The following FBXL4 variants were observed in gnomAD, a reference collection of about 807,000 sequenced individuals.
FBXL4 encodes F-box and leucine rich repeat protein 4.
In FBXL4, 40 loss-of-function variants were observed where a neutral mutation model predicts 58.9. The ratio of observed to expected loss-of-function variants is 0.68; its 90% CI spans 0.53 to 0.88. The LOEUF is 0.88. Among genes scored for constraint, FBXL4 ranks in the 40% least tolerant of loss-of-function variants. FBXL4 has a pLI of 0.00. For synonymous variants in FBXL4, 263 were observed against 265.5 expected (o/e 0.99, Z 0.09); for missense variants, 676 against 734.4 (o/e 0.92, Z 0.92).
rs10484610 is a variant in FBXL4, at chr6:98,896,696, G to A, written c.1317+2572C>T. The A allele has an allele frequency of 1.1e-3, 829 of 772,444 alleles. 7 individuals are homozygous for A. In the African/African-American group the frequency reaches 0.015, roughly 14 times the overall value. 47.8% of individuals were successfully genotyped at this position (772,444 alleles called of 1,614,324 possible). A position where few individuals can be genotyped will look rare whatever the true frequency, so the allele number is the denominator to read the frequency against. On this transcript the variant is annotated intron_variant, in intron 7 of 9. Transcript: ENST00000369244. ...ACGTAGTGTTTATGATATTTTACCA[G>A]ATGAGCCAATAAAAAAAATTTAATA...
At chr6:98,934,233 T>C (rs1490000238) in intron 2 of FBXL4, among the ~76,000 whole-genome samples, 1 of 152,246 alleles carries the variant, frequency 6.6e-6, no homozygotes, top group East Asian at 1.9e-4. Context: ...ACGTTGATTA[T>C]GGAGAACTGG....
Position 98,930,095 on chromosome 6 carries a change from T to A in FBXL4, c.-190-2273A>T, listed in dbSNP as rs1267630429. ...CAAAACATACAACAGACTAAACCTT[T>A]ACTAATGATGCATCACAGTAAAAAG... On this transcript the variant is annotated intron_variant, in intron 2 of 9. Transcript: ENST00000369244. Among the ~76,000 whole-genome samples the A allele has an allele frequency of 2.0e-5, 3 of 152,204 alleles. No homozygotes were observed. The East Asian group carries it at 5.8e-4, about 29-fold the overall frequency.
At chr6:98,887,661 A>ATTT in intron 7 of FBXL4, among the ~76,000 whole-genome samples, 1 of 150,102 alleles carries the variant, frequency 6.7e-6, no homozygotes, top group African/African-American at 2.5e-5. Flanking sequence ...AGAATAAAAG[A>ATTT]GATTTATGTT....
intron 1 of FBXL4, among the ~76,000 whole-genome samples, chr6:98,942,313 A>C (rs1773462523): frequency 6.6e-6 from 1 of 152,014 alleles, no homozygotes; most frequent in African/African-American, 2.4e-5. Flanking sequence ...AATTTTAAAA[A>C]ATGGTTAGAA....
At chr6:98,875,054 T>TA (rs1055296720) in intron 9 of FBXL4, among the ~76,000 whole-genome samples, 9 of 152,010 alleles carry the variant, frequency 5.9e-5, no homozygotes, top group African/African-American at 9.7e-5. Flanking sequence ...TTAAGAAACT[T>TA]AAAAAAAACT....
intron 1 of FBXL4, among the ~76,000 whole-genome samples, 191 bp downstream of exon 1, chr6:98,947,615 C>T (rs1013890054): frequency 2.6e-5 from 4 of 152,200 alleles, no homozygotes; most frequent in African/African-American, 9.6e-5. Flanking sequence ...CCCAGCAAGC[C>T]CCGCAAGCGT....
At chr6:98,920,145 T>A (rs998840557) in intron 4 of FBXL4, among the ~76,000 whole-genome samples, 2 of 152,144 alleles carry the variant, frequency 1.3e-5, no homozygotes, top group African/African-American at 4.8e-5. Context: ...TTAAAAATTA[T>A]AAATATAAAC....
intron 4 of FBXL4, among the ~76,000 whole-genome samples, chr6:98,925,349 T>C (rs1469709142): frequency 1.3e-5 from 2 of 152,104 alleles, no homozygotes; most frequent in Non-Finnish European, 2.9e-5. Context: ...GCATTACATA[T>C]GAAAATTACA....
chr6:98,912,611 C>T (rs577273774), intron 5 of FBXL4, among the ~76,000 whole-genome samples: 47 of 152,120 alleles, frequency 3.1e-4, no homozygotes, highest in African/African-American at 8.7e-4. Context: ...AAATACTTCA[C>T]GGACAAGCAA....
Position 98,869,394 on chromosome 6 carries a change from A to G in FBXL4, c.*4884T>C, listed in dbSNP as rs1469764546. The G allele has an allele frequency of 6.6e-6, 1 of 152,258 alleles. No homozygotes were observed. The highest frequency in any genetic ancestry group is 6.5e-5 in the Admixed American group (1 of 15,278). 9.4% of individuals were successfully genotyped at this position (152,258 alleles called of 1,614,324 possible). ...ATGCCCGTAATCCCAGCACTACAGG[A>G]GGCCAAGGTGGGAAAATTATTTGAG... On this transcript the variant is annotated 3_prime_UTR_variant, in exon 10 of 10. Transcript: ENST00000369244.
At chr6:98,940,646 A>T (rs1415509501) in intron 1 of FBXL4, among the ~76,000 whole-genome samples, 1 of 151,792 alleles carries the variant, frequency 6.6e-6, no homozygotes, top group Non-Finnish European at 1.5e-5. Context: ...TTTCCTTACT[A>T]TGGAGTTGTA....
Position 98,926,744 on chromosome 6 carries a change from G to A in FBXL4, c.245C>T (p.Pro82Leu). Reference protein sequence around the residue: ...SYTMWNLAGVPNVFPSSGDFT... With the variant: ...SYTMWNLAGVLNVFPSSGDFT... ...GTCACCAGAACTTGGGAATACATTT[G>A]GTACACCAGCCAAATTCCACATAGT... is the stretch of plus-strand genomic sequence containing the variant. The change falls in exon 4 of 10, where the codon CCA (proline) becomes CTA (leucine). Residue 82 changes from proline (P) to leucine (L), a missense_variant. Physicochemically the swap from Pro to Leu is moderately conservative, Grantham distance 98 (BLOSUM62 -3). Transcript: ENST00000369244. The A allele has an allele frequency of 6.2e-7, 1 of 1,614,134 alleles. No individual in the cohort carries two copies. Among genetic ancestry groups the A allele is most frequent in the Non-Finnish European group, 8.5e-7 (1 of 1,180,034 alleles).
chr6:98,935,276 T>C (rs1393114295), intron 1 of FBXL4, among the ~76,000 whole-genome samples: 2 of 149,160 alleles, frequency 1.3e-5, no homozygotes, highest in Admixed American at 6.7e-5. Flanking sequence ...TTTTTTTAAG[T>C]AGAGCTATAG....
chr6:98,894,703 A>G (rs1771352859), intron 7 of FBXL4, among the ~76,000 whole-genome samples: 1 of 152,220 alleles, frequency 6.6e-6, no homozygotes, highest in Admixed American at 6.5e-5. Context: ...TAATGCTCTG[A>G]GTCTAATGAA....
At position 98,872,302 on chromosome 6, in the gene FBXL4, A is replaced by G. The variant is rs1770511822; in HGVS notation, c.*1976T>C. On this transcript the variant is annotated 3_prime_UTR_variant, in exon 10 of 10. Coordinates refer to ENST00000369244, the MANE Select transcript of FBXL4 (RefSeq NM_001278716.2). Reference sequence around the variant, plus strand: ...ATAACATGCTAAAAGGAAAATATCCAGAGAAGAAGTAACCTTTCAAGTGAT... The same window carrying G: ...ATAACATGCTAAAAGGAAAATATCCGGAGAAGAAGTAACCTTTCAAGTGAT... 6.6e-6 allele frequency: 1 copy of G among 152,260 alleles called. No individual in the cohort carries two copies. Among genetic ancestry groups the G allele is most frequent in the Admixed American group, 6.5e-5 (1 of 15,282 alleles). 9.4% of individuals were successfully genotyped at this position (152,260 alleles called of 1,614,324 possible). A position where few individuals can be genotyped will look rare whatever the true frequency, so the allele number is the denominator to read the frequency against.
chr6:98,935,257 T>A (rs1773163175), intron 1 of FBXL4, among the ~76,000 whole-genome samples: 2 of 126,340 alleles, frequency 1.6e-5, no homozygotes, highest in South Asian at 2.3e-4. Flanking sequence ...ACTGAAGGAA[T>A]CTTTTTTTTT....
At chr6:98,914,358 A>C (rs1404648213) in intron 5 of FBXL4, among the ~76,000 whole-genome samples, 1 of 152,174 alleles carries the variant, frequency 6.6e-6, no homozygotes, top group East Asian at 1.9e-4. Context: ...GCAGAGACAC[A>C]ACCAAAAAAG....
Position 98,872,056 on chromosome 6 carries a change from TAAC to T in FBXL4, c.*2219_*2221del, listed in dbSNP as rs961516381. 2.6e-5 allele frequency: 4 copies of T among 152,284 alleles called. No individual in the cohort carries two copies. Among genetic ancestry groups the T allele is most frequent in the Admixed American group, 2.6e-4 (4 of 15,298 alleles). 9.4% of individuals were successfully genotyped at this position (152,284 alleles called of 1,614,324 possible). The stretch of plus-strand genomic sequence containing the variant: ...ATGACAACATTGTTTGAATTACAAG[TAAC>T]AACAAGCTGCTTTACACATTTCCTG... On this transcript the variant is annotated 3_prime_UTR_variant, in exon 10 of 10. Coordinates refer to ENST00000369244, the MANE Select transcript of FBXL4 (RefSeq NM_001278716.2).
chr6:98,884,598 T>C (rs187557830), intron 7 of FBXL4, among the ~76,000 whole-genome samples: 28 of 152,306 alleles, frequency 1.8e-4, no homozygotes, highest in African/African-American at 5.3e-4. Context: ...GCAGGTAATA[T>C]ATCTTTTGTC....
Sources: allele counts gnomAD v4.1 joint callset (sites outside exome capture counted in the v4.1 genomes callset), GRCh38; gene constraint gnomAD v4.1.1; transcripts MANE v1.5; gene names NCBI Gene and HGNC (gene_info 2026-07-23, HGNC 2026-07-21).